The following FAM222B variants were observed in gnomAD, a reference collection of about 807,000 sequenced individuals.
FAM222B encodes protein FAM222B.
In FAM222B, 12 loss-of-function variants were observed where a neutral mutation model predicts 38.0. The ratio of observed to expected loss-of-function variants is 0.32; its 90% CI spans 0.20 to 0.51. The LOEUF is 0.51. Ranked by LOEUF, FAM222B falls within the 20% of genes least tolerant of loss-of-function variation. FAM222B has a pLI of 0.97. For synonymous variants in FAM222B, 329 were observed against 317.2 expected (o/e 1.04, Z -0.40); for missense variants, 716 against 754.2 (o/e 0.95, Z 0.59).
At chr17:28,811,155 T>C (rs182526450) in intron 1 of FAM222B, among the ~76,000 whole-genome samples, 81 of 152,258 alleles carry the variant, frequency 5.3e-4, no homozygotes, top group Middle Eastern at 3.4e-3. Context: ...AAAATGCCCA[T>C]TTAGGCCAGG....
At chr17:28,814,163 G>A (rs2037925234) in intron 1 of FAM222B, among the ~76,000 whole-genome samples, 1 of 149,954 alleles carries the variant, frequency 6.7e-6, no homozygotes, top group Non-Finnish European at 1.5e-5. Flanking sequence ...CTGAGTGAGA[G>A]TAAGACTCTA....
chr17:28,807,966 T>C (rs2037570455), intron 1 of FAM222B, among the ~76,000 whole-genome samples: 1 of 152,214 alleles, frequency 6.6e-6, no homozygotes, highest in South Asian at 2.1e-4. Flanking sequence ...TCATACCTCC[T>C]GCAGTATCAA....
intron 1 of FAM222B, among the ~76,000 whole-genome samples, chr17:28,794,367 G>A (rs1567845179): frequency 6.6e-6 from 1 of 151,636 alleles, no homozygotes; most frequent in Admixed American, 6.6e-5. Context: ...CTACAAACAC[G>A]TGCCACCATG....
At chr17:28,781,107 T>C (rs578254119) in intron 1 of FAM222B, among the ~76,000 whole-genome samples, 2 of 152,174 alleles carry the variant, frequency 1.3e-5, no homozygotes, top group Admixed American at 1.3e-4. Context: ...ATGCTCAACA[T>C]TGGTAACTGT....
At chr17:28,849,186 G>T (rs1019793809) in intron 1 of FAM222B, 1 of 151,442 alleles carries the variant, frequency 6.6e-6, no homozygotes, top group Non-Finnish European at 1.5e-5. Flanking sequence ...GCGAGAACCC[G>T]GGAAGCGGAG....
intron 1 of FAM222B, 83 bp from the exon 2 acceptor site, chr17:28,766,790 G>A (rs763326781): frequency 4.2e-5 from 32 of 756,544 alleles, no homozygotes; most frequent in Non-Finnish European, 6.0e-5. Flanking sequence ...TGACTGGCGT[G>A]AGGCCCAAGT....
At chr17:28,779,355 A>G (rs1211917890) in intron 1 of FAM222B, among the ~76,000 whole-genome samples, 1 of 152,190 alleles carries the variant, frequency 6.6e-6, no homozygotes, top group Non-Finnish European at 1.5e-5. Flanking sequence ...GATTTATCCC[A>G]GGAATACAAG....
intron 1 of FAM222B, among the ~76,000 whole-genome samples, chr17:28,848,386 T>C (rs1364384025): frequency 6.6e-6 from 1 of 152,028 alleles, no homozygotes; most frequent in Non-Finnish European, 1.5e-5. Flanking sequence ...GCAGTAGGGG[T>C]GTTTCTATGG....
chr17:28,790,233 A>G (rs1567837718), intron 1 of FAM222B: 1 of 152,220 alleles, frequency 6.6e-6, no homozygotes, highest in East Asian at 1.9e-4. Context: ...GGAATGCAAT[A>G]TTTGTATAGT....
At chr17:28,840,142 G>C (rs865821519) in intron 1 of FAM222B, among the ~76,000 whole-genome samples, 2 of 152,054 alleles carry the variant, frequency 1.3e-5, no homozygotes, top group South Asian at 4.1e-4. Flanking sequence ...TTGGGAGGCC[G>C]AGGCAGGCGG....
In FAM222B at chr17:28,759,984, G is replaced by T; in HGVS notation, c.83-108C>A. 9.2e-7 allele frequency: 1 copy of T among 1,082,062 alleles called. No individual in the cohort carries two copies. Among genetic ancestry groups the T allele is most frequent in the Non-Finnish European group, 1.3e-6 (1 of 764,940 alleles). The allele number at this position is 1,082,062 out of a possible 1,614,324, so 67.0% of individuals were successfully genotyped here. ...TTTTGAGGGCCTGGGGTGGGGTGGG[G>T]AAATGACTAGATTGTCATCTGTAGC... On this transcript the variant is annotated intron_variant, in intron 2 of 2. Coordinates refer to ENST00000581407, the MANE Select transcript of FAM222B (RefSeq NM_001077498.3). The surrounding 1 kb of genome is among the most constrained non-coding windows in gnomAD (Gnocchi z 4.8).
intron 1 of FAM222B, among the ~76,000 whole-genome samples, chr17:28,796,037 T>G (rs945511870): frequency 2.6e-5 from 4 of 152,212 alleles, no homozygotes; most frequent in Non-Finnish European, 2.9e-5. Flanking sequence ...TTTTCAATGC[T>G]TTGACTTCTT....
rs989248218 is a variant in FAM222B at position 28,815,655 on chromosome 17, T to C, written c.-41+27027A>G. On this transcript the variant is annotated intron_variant, in intron 1 of 2. Transcript: ENST00000581407. Reference sequence around the variant, plus strand: ...CAGCCTGGGCAACACAGTGAAACCCTGTCTCTACAAAAAATACAAAAATTA... The same window carrying C: ...CAGCCTGGGCAACACAGTGAAACCCCGTCTCTACAAAAAATACAAAAATTA... Among the ~76,000 whole-genome samples, 13 of 151,948 alleles carry C rather than the reference T, an allele frequency of 8.6e-5. 1 individual carries two copies. The East Asian group carries it at 2.1e-3, about 25-fold the overall frequency.
chr17:28,812,622 A>T (rs1266787866), intron 1 of FAM222B, among the ~76,000 whole-genome samples: 1 of 151,926 alleles, frequency 6.6e-6, no homozygotes, highest in Non-Finnish European at 1.5e-5. Flanking sequence ...CTACCCGCGG[A>T]CCCGGCCCGA....
intron 1 of FAM222B, among the ~76,000 whole-genome samples, chr17:28,836,288 C>CGA (rs1301141575): frequency 6.6e-6 from 1 of 151,692 alleles, no homozygotes; most frequent in African/African-American, 2.4e-5. Context: ...GCGCCTGGCC[C>CGA]TAAATCACTT....
At chr17:28,831,954 C>T (rs994499353) in intron 1 of FAM222B, among the ~76,000 whole-genome samples, 3 of 152,064 alleles carry the variant, frequency 2.0e-5, no homozygotes, top group Admixed American at 2.0e-4. Context: ...CTTTGGGAGG[C>T]CGAGGAGGGC....
chr17:28,819,955 C>T (rs952952148), intron 1 of FAM222B, among the ~76,000 whole-genome samples: 5 of 152,154 alleles, frequency 3.3e-5, no homozygotes, highest in African/African-American at 1.2e-4. Flanking sequence ...GGAAAAGAAA[C>T]CTAAGCCTTT....
At chr17:28,851,138 CAAAAA>C in intron 1 of FAM222B, among the ~76,000 whole-genome samples, 1 of 151,232 alleles carries the variant, frequency 6.6e-6, no homozygotes, top group East Asian at 2.0e-4. Flanking sequence ...CAAAACAAAA[CAAAAA>C]AATGTTCCAA....
At chr17:28,803,560 G>A (rs1011435840) in intron 1 of FAM222B, among the ~76,000 whole-genome samples, 1 of 152,050 alleles carries the variant, frequency 6.6e-6, no homozygotes, top group Non-Finnish European at 1.5e-5. Flanking sequence ...GTCTCCCAAA[G>A]TGTTGGGATT....
Sources: allele counts gnomAD v4.1 joint callset (sites outside exome capture counted in the v4.1 genomes callset), GRCh38; gene constraint gnomAD v4.1.1; non-coding constraint Gnocchi (gnomAD v3.1); transcripts MANE v1.5; gene names NCBI Gene and HGNC (gene_info 2026-07-23, HGNC 2026-07-21).